FAF1: variants seen among roughly 807,000 people sequenced by gnomAD.
FAF1 encodes Fas associated factor 1, also known as FAS-associated factor 1.
FAF1 carries 25 observed loss-of-function variants against 92.5 expected under a neutral mutation model. That is an observed-to-expected ratio of 0.27 (90% CI 0.20 to 0.38). The LOEUF is 0.38. Among genes scored for constraint, FAF1 ranks in the 10% least tolerant of loss-of-function variants. The pLI is 1.00. For synonymous variants in FAF1, 234 were observed against 273.2 expected, an observed-to-expected ratio of 0.86 and a Z score of 1.42; for missense variants, 636 against 793.3, an observed-to-expected ratio of 0.80 and a Z score of 2.38.
rs370871766 is a variant in FAF1 at position 50,625,803 on chromosome 1, T to C, written c.745-29587A>G. ...ATTAAGGAGTTTAGACATTATCTTG[T>C]AGGCAACGGGAAACCACTGAGAGAT... On this transcript the variant is annotated intron_variant, in intron 8 of 18. Transcript: ENST00000396153. 2.0e-4 allele frequency among the ~76,000 whole-genome samples: 31 copies of C among 152,272 alleles called. No individual in the cohort carries two copies. In the South Asian group the frequency reaches 5.8e-3, roughly 29 times the overall value.
intron 15 of FAF1, among the ~76,000 whole-genome samples, chr1:50,515,419 T>TGTA (rs1647204683): frequency 6.6e-6 from 1 of 152,132 alleles, no homozygotes; most frequent in Non-Finnish European, 1.5e-5. Context: ...AATCACTTGT[T>TGTA]ATACAGGAAA....
intron 2 of FAF1, among the ~76,000 whole-genome samples, chr1:50,847,133 G>C (rs1236675606): frequency 6.6e-6 from 1 of 152,144 alleles, no homozygotes; most frequent in Non-Finnish European, 1.5e-5. Flanking sequence ...ATTCTGAAGA[G>C]CAAAACTTGT....
chr1:50,802,931 C>T (rs1662051512), intron 2 of FAF1, among the ~76,000 whole-genome samples: 1 of 152,176 alleles, frequency 6.6e-6, no homozygotes, highest in Non-Finnish European at 1.5e-5. Flanking sequence ...TTCACACCAT[C>T]GTACTGTTGA....
At chr1:50,679,055 C>A (rs1458306069) in intron 7 of FAF1, among the ~76,000 whole-genome samples, 5 of 152,178 alleles carry the variant, frequency 3.3e-5, no homozygotes, top group African/African-American at 1.2e-4. Flanking sequence ...CCACTGCACT[C>A]CAGCCTGGGT....
chr1:50,838,022 C>A (rs1023104464), intron 2 of FAF1, among the ~76,000 whole-genome samples: 5 of 152,072 alleles, frequency 3.3e-5, no homozygotes, highest in African/African-American at 4.8e-5. Context: ...GGATTACAGG[C>A]GTGAGCCACC....
At position 50,959,906 on chromosome 1, in the gene FAF1, C is replaced by T. The variant is rs1645302228; in HGVS notation, c.-95G>A. ...CCGTCGCCGCCACCGCCGCCGCCGC[C>T]GCCGGGCGCCGAGGGGCTGGCGGGC... On this transcript the variant is annotated 5_prime_UTR_variant, in exon 1 of 19. Coordinates refer to ENST00000396153, the MANE Select transcript of FAF1 (RefSeq NM_007051.3). 2 of 781,654 alleles carry T rather than the reference C, an allele frequency of 2.6e-6. No individual in the cohort carries two copies. Among genetic ancestry groups the T allele is most frequent in the South Asian group, 1.1e-4 (2 of 17,758 alleles). 48.4% of individuals were successfully genotyped at this position (781,654 alleles called of 1,614,324 possible). A position where few individuals can be genotyped will look rare whatever the true frequency, so the allele number is the denominator to read the frequency against.
intron 8 of FAF1, among the ~76,000 whole-genome samples, chr1:50,632,793 A>G (rs1653849685): frequency 1.3e-5 from 2 of 152,186 alleles, no homozygotes; most frequent in Non-Finnish European, 2.9e-5. Context: ...TTCTTCTTCC[A>G]GAATTAAGAT....
rs139118855 is a variant in FAF1, at chr1:50,593,003, C to T, written c.840+3118G>A. 1.2e-4 allele frequency among the ~76,000 whole-genome samples: 18 copies of T among 151,336 alleles called. No homozygotes were observed. In the East Asian group the frequency reaches 2.9e-3, roughly 24 times the overall value. On this transcript the variant is annotated intron_variant, in intron 9 of 18. Transcript: ENST00000396153. ...ACACAAAGTCATGTAGGAGTAGAACCGGAAGACAGCAGTAGAATCACTGGG... is the reference window on the plus strand; with the variant it reads ...ACACAAAGTCATGTAGGAGTAGAACTGGAAGACAGCAGTAGAATCACTGGG...
intron 8 of FAF1, among the ~76,000 whole-genome samples, chr1:50,650,846 C>T (rs1349961482): frequency 6.6e-6 from 1 of 152,158 alleles, no homozygotes; most frequent in African/African-American, 2.4e-5. Flanking sequence ...ACTCCTTGTT[C>T]TCACAGCTGA....
intron 7 of FAF1, among the ~76,000 whole-genome samples, chr1:50,700,714 A>G (rs1350182111): frequency 6.6e-6 from 1 of 152,164 alleles, no homozygotes; most frequent in Non-Finnish European, 1.5e-5. Flanking sequence ...TGTTTGATAC[A>G]CATATCTTAA....
At position 50,886,650 on chromosome 1, in the gene FAF1, T is replaced by C. The variant is rs1183981875; in HGVS notation, c.46-28653A>G. Among the ~76,000 whole-genome samples, 4 of 152,140 alleles carry C rather than the reference T, an allele frequency of 2.6e-5. No homozygotes were observed. In the East Asian group the frequency reaches 5.8e-4, roughly 22 times the overall value. On this transcript the variant is annotated intron_variant, in intron 1 of 18. Coordinates refer to ENST00000396153, the MANE Select transcript of FAF1 (RefSeq NM_007051.3). ...GGTGTTTGGTTTTTTCTCCTTGCAATAGTTTGCTGAGAATGATGGTTTCCA... is the reference window on the plus strand; with the variant it reads ...GGTGTTTGGTTTTTTCTCCTTGCAACAGTTTGCTGAGAATGATGGTTTCCA...
At chr1:50,649,298 A>G (rs935986284) in intron 8 of FAF1, among the ~76,000 whole-genome samples, 7 of 151,910 alleles carry the variant, frequency 4.6e-5, no homozygotes, top group African/African-American at 1.7e-4. Context: ...GATTACAGGC[A>G]TGCGCCACAC....
intron 1 of FAF1, among the ~76,000 whole-genome samples, chr1:50,902,161 C>T (rs1304025842): frequency 2.6e-5 from 4 of 152,104 alleles, no homozygotes; most frequent in Non-Finnish European, 4.4e-5. Context: ...AAACAAGATC[C>T]TTCCATAATT....
At chr1:50,657,995 A>G (rs1326558909) in intron 7 of FAF1, among the ~76,000 whole-genome samples, 1 of 152,156 alleles carries the variant, frequency 6.6e-6, no homozygotes, top group Non-Finnish European at 1.5e-5. Flanking sequence ...GTCATTATCA[A>G]CCCAACAATT....
intron 1 of FAF1, among the ~76,000 whole-genome samples, chr1:50,915,102 G>C (rs1167969747): frequency 2.0e-5 from 3 of 152,158 alleles, no homozygotes; most frequent in Non-Finnish European, 4.4e-5. Flanking sequence ...TGGGCATGGT[G>C]GCTCATGCCT....
At chr1:50,552,092 C>T (rs561888139) in intron 13 of FAF1, among the ~76,000 whole-genome samples, 4 of 151,956 alleles carry the variant, frequency 2.6e-5, no homozygotes, top group East Asian at 1.9e-4. Context: ...GTCAGGAGTC[C>T]GAGACCAGCC....
At chr1:50,844,061 A>C (rs1385270940) in intron 2 of FAF1, among the ~76,000 whole-genome samples, 1 of 152,114 alleles carries the variant, frequency 6.6e-6, no homozygotes, top group African/African-American at 2.4e-5. Context: ...TCTTTTTTAT[A>C]GTAGCCACTT....
chr1:50,484,661 A>G (rs1319886862), intron 17 of FAF1, among the ~76,000 whole-genome samples: 3 of 152,146 alleles, frequency 2.0e-5, no homozygotes, highest in Non-Finnish European at 2.9e-5. Flanking sequence ...AGCAACTTAC[A>G]TAAGATAAAA....
chr1:50,916,489 G>A (rs1644919462), intron 1 of FAF1, among the ~76,000 whole-genome samples: 1 of 152,108 alleles, frequency 6.6e-6, no homozygotes, highest in Admixed American at 6.5e-5. Context: ...TCCTCCTAAT[G>A]GACAAGTTGA....
Sources: gnomAD v4.1 joint callset for allele counts (sites outside exome capture counted in the v4.1 genomes callset) on GRCh38, gnomAD v4.1.1 for gene constraint, MANE v1.5 for transcripts, NCBI Gene and HGNC (gene_info 2026-07-23, HGNC 2026-07-21) for gene names.